The following STIM2 variants were observed in gnomAD, a reference collection of about 807,000 sequenced individuals.
STIM2 encodes the protein stromal interaction molecule 2.
A neutral mutation model predicts 85.8 loss-of-function variants in STIM2; 31 were observed. The observed-to-expected ratio is 0.36, with a 90% CI of 0.27 to 0.49. The LOEUF (loss-of-function observed/expected upper bound fraction) is 0.49, where lower values mean the gene tolerates loss of function less well. STIM2 is among the 20% of genes least tolerant of loss of function. The pLI, the probability that STIM2 is intolerant of heterozygous loss-of-function variation, is 0.98. For missense variants in STIM2, 841 were observed against 927.6 expected, an observed-to-expected ratio of 0.91 and a Z score of 1.21; for synonymous variants, 356 against 331.1, an observed-to-expected ratio of 1.08 and a Z score of -0.82.
chr4:26,881,277 C>T (rs1723005531), intron 1 of STIM2, among the ~76,000 whole-genome samples: 2 of 152,094 alleles, frequency 1.3e-5, no homozygotes, highest in Admixed American at 6.5e-5. Flanking sequence ...ACCAGCCTGG[C>T]CAATATGGTG....
chr4:26,934,167 C>G (rs1725312964), intron 2 of STIM2, among the ~76,000 whole-genome samples: 1 of 151,702 alleles, frequency 6.6e-6, no homozygotes, highest in African/African-American at 2.4e-5. Flanking sequence ...GCCCTCTGGC[C>G]TGGGCAAAAG....
At chr4:26,952,262 G>A (rs1044951602) in intron 2 of STIM2, among the ~76,000 whole-genome samples, 25 of 152,050 alleles carry the variant, frequency 1.6e-4, no homozygotes, top group Non-Finnish European at 3.2e-4. Flanking sequence ...TACAAATTAC[G>A]GTGTCTTGGG....
chr4:26,899,466 A>G (rs982213632), intron 1 of STIM2, among the ~76,000 whole-genome samples: 1 of 152,048 alleles, frequency 6.6e-6, no homozygotes, highest in East Asian at 1.9e-4. Context: ...AAATCTCTGG[A>G]AGAGTTTGAG....
intron 1 of STIM2, among the ~76,000 whole-genome samples, chr4:26,907,094 C>G (rs1724161629): frequency 6.6e-6 from 1 of 151,970 alleles, no homozygotes; most frequent in Non-Finnish European, 1.5e-5. Context: ...GGGTATCTTC[C>G]TAAGGAGAAT....
At chr4:26,946,809 T>C (rs935570895) in intron 2 of STIM2, among the ~76,000 whole-genome samples, 3 of 152,220 alleles carry the variant, frequency 2.0e-5, no homozygotes. Context: ...TGGTTTCTTA[T>C]AATTCGCGGT....
At chr4:26,891,771 T>G (rs950884715) in intron 1 of STIM2, among the ~76,000 whole-genome samples, 2 of 152,162 alleles carry the variant, frequency 1.3e-5, no homozygotes, top group African/African-American at 2.4e-5. Context: ...CAACTTTTAC[T>G]TCACATTAGA....
chr4:26,899,605 G>A (rs866612683), intron 1 of STIM2, among the ~76,000 whole-genome samples: 2 of 152,112 alleles, frequency 1.3e-5, no homozygotes, highest in Admixed American at 6.6e-5. Context: ...TAGGGTAAAA[G>A]TATCTTTCTT....
chr4:27,022,864 C>A lies in STIM2; in HGVS notation c.2109C>A (p.Asn703Lys), dbSNP rs373113749. The change falls in exon 12 of 12, where the codon AAC becomes AAA. Residue 703 changes from asparagine to lysine, a missense_variant. Asn to Lys is a moderately conservative substitution (Grantham distance 94). Around this residue, in one of 3 missense-constraint regions of STIM2, gnomAD observed 293 missense variants for 284.5 expected, o/e 1.03. Transcript: ENST00000467087. Reference sequence around the variant, plus strand: ...ACACATCATGTTCCTCAGCTGGCAACGACAGTAAACCAGTTCAGGAAGCCC... The same window carrying A: ...ACACATCATGTTCCTCAGCTGGCAAAGACAGTAAACCAGTTCAGGAAGCCC... 7 of 1,614,064 alleles carry A rather than the reference C, an allele frequency of 4.3e-6. No homozygotes were observed. In the African/African-American group the frequency reaches 6.7e-5, roughly 15 times the overall value.
chr4:26,971,457 C>T (rs1726947179), intron 3 of STIM2, among the ~76,000 whole-genome samples: 1 of 152,230 alleles, frequency 6.6e-6, no homozygotes, highest in Admixed American at 6.5e-5. Context: ...CAGCTTTCTA[C>T]ATATAGCTAG....
intron 1 of STIM2, among the ~76,000 whole-genome samples, chr4:26,900,826 TA>T (rs1255267788): frequency 1.3e-5 from 2 of 152,200 alleles, no homozygotes; most frequent in African/African-American, 4.8e-5. Flanking sequence ...ACAGTGTTTG[TA>T]GTGTCTTATC....
intron 3 of STIM2, among the ~76,000 whole-genome samples, chr4:26,971,053 G>A (rs1219853027): frequency 6.6e-6 from 1 of 152,174 alleles, no homozygotes; most frequent in Non-Finnish European, 1.5e-5. Context: ...TTTGAGAAGT[G>A]TCTGTTCATA....
At chr4:26,932,303 A>G (rs1725233267) in intron 2 of STIM2, among the ~76,000 whole-genome samples, 1 of 152,244 alleles carries the variant, frequency 6.6e-6, no homozygotes. Context: ...CTGTTTGACA[A>G]GGAACTTTTG....
At chr4:26,934,309 T>C (rs1725318420) in intron 2 of STIM2, among the ~76,000 whole-genome samples, 1 of 152,256 alleles carries the variant, frequency 6.6e-6, no homozygotes. Flanking sequence ...TATACATCCT[T>C]TTTGGGTGTC....
chr4:26,870,703 T>C (rs1256023305), intron 1 of STIM2, among the ~76,000 whole-genome samples: 1 of 151,944 alleles, frequency 6.6e-6, no homozygotes, highest in Non-Finnish European at 1.5e-5. Context: ...ACCAGTTGGG[T>C]GTTTGGAATT....
chr4:26,861,048 G>GGGCGGCCGGAGGAGTCGCCGGC lies in STIM2; in HGVS notation c.-165_-144dup. The stretch of plus-strand genomic sequence containing the variant: ...CGGGAGCCCGTGTCTGAGGCGGCGG[G>GGGCGGCCGGAGGAGTCGCCGGC]GGCGGCCGGAGGAGTCGCCGGCGGC... On this transcript the variant is annotated 5_prime_UTR_variant, in exon 1 of 12. Transcript: ENST00000467087. The GGGCGGCCGGAGGAGTCGCCGGC allele has an allele frequency of 1.7e-6, 2 of 1,204,528 alleles. No homozygotes were observed. The highest frequency in any genetic ancestry group is 2.1e-6 in the Non-Finnish European group (2 of 970,382). The allele number at this position is 1,204,528 out of a possible 1,614,324, so 74.6% of individuals were successfully genotyped here. A position where few individuals can be genotyped will look rare whatever the true frequency, so the allele number is the denominator to read the frequency against.
In STIM2 at chr4:27,023,276, A is replaced by C; in HGVS notation, c.*280A>C. 1 of 382,704 alleles carries C rather than the reference A, an allele frequency of 2.6e-6. No homozygotes were observed. 23.7% of individuals were successfully genotyped at this position (382,704 alleles called of 1,614,324 possible). A position where few individuals can be genotyped will look rare whatever the true frequency, so the allele number is the denominator to read the frequency against. ...GCCTATTTATTTCTGCTTTGTTCTC[A>C]GTGATGTATATGCAACATTTTGTTG... is the stretch of plus-strand genomic sequence containing the variant. On this transcript the variant is annotated 3_prime_UTR_variant, in exon 12 of 12. Coordinates refer to ENST00000467087, the MANE Select transcript of STIM2 (RefSeq NM_020860.4).
chr4:26,967,957 A>G lies in STIM2; in HGVS notation c.397+10231A>G, dbSNP rs539246480. Among the ~76,000 whole-genome samples the G allele has an allele frequency of 2.0e-5, 3 of 152,204 alleles. No individual in the cohort carries two copies. The South Asian group carries it at 6.2e-4, about 32-fold the overall frequency. The stretch of plus-strand genomic sequence containing the variant: ...AAAATCATTATTAACAGGCAGGAAG[A>G]TCAGTAGTTTGAGACTAGCCTGGCC... On this transcript the variant is annotated intron_variant, in intron 3 of 11. Transcript: ENST00000467087.
intron 3 of STIM2, among the ~76,000 whole-genome samples, chr4:26,982,430 C>G (rs1482051079): frequency 6.6e-6 from 1 of 152,136 alleles, no homozygotes; most frequent in Non-Finnish European, 1.5e-5. Flanking sequence ...TCCTTTCTAA[C>G]TGGCTTCTAT....
chr4:26,899,627 CT>C (rs1723843192), intron 1 of STIM2, among the ~76,000 whole-genome samples: 1 of 152,054 alleles, frequency 6.6e-6, no homozygotes, highest in African/African-American at 2.4e-5. Context: ...GATGACAGAG[CT>C]GATAATTATA....
Sources: gnomAD v4.1 joint callset for allele counts (sites outside exome capture counted in the v4.1 genomes callset) on GRCh38, gnomAD v4.1.1 for gene constraint, gnomAD v4.1.1 regional missense constraint, MANE v1.5 for transcripts, NCBI Gene and HGNC (gene_info 2026-07-23, HGNC 2026-07-21) for gene names.